Variants in THEMIS observed in about 807,000 individuals in gnomAD.
The protein encoded by THEMIS is protein THEMIS.
In THEMIS, 37 loss-of-function variants were observed where a neutral mutation model predicts 52.6. That is an observed-to-expected ratio of 0.70 (90% CI 0.54 to 0.93). The LOEUF is 0.93. Ranked by LOEUF, THEMIS falls within the 40% of genes least tolerant of loss-of-function variation. The pLI, the probability that THEMIS is intolerant of heterozygous loss-of-function variation, is 0.00. For missense variants in THEMIS, 808 were observed against 763.1 expected (o/e 1.06, Z -0.69); for synonymous variants, 292 against 272.7 (o/e 1.07, Z -0.70).
At chr6:127,784,232 G>T (rs781759980) in intron 4 of THEMIS, among the ~76,000 whole-genome samples, 5 of 152,126 alleles carry the variant, frequency 3.3e-5, no homozygotes, top group Non-Finnish European at 7.4e-5. Flanking sequence ...ACCAGGGCCT[G>T]TTGGTGAGTG....
chr6:127,720,431 C>G (rs1041678633), intron 4 of THEMIS, among the ~76,000 whole-genome samples: 2 of 151,916 alleles, frequency 1.3e-5, no homozygotes, highest in African/African-American at 4.8e-5. Flanking sequence ...TGACATTATA[C>G]TGACACACTG....
chr6:127,711,112 T>C lies in THEMIS; in HGVS notation c.1895-1096A>G, dbSNP rs189886416. Among the ~76,000 whole-genome samples, 11 of 152,048 alleles carry C rather than the reference T, an allele frequency of 7.2e-5. No individual in the cohort carries two copies. The East Asian group carries it at 2.1e-3, about 30-fold the overall frequency. On this transcript the variant is annotated intron_variant, in intron 5 of 5. Transcript: ENST00000368248. ...TCTTCTTTTCTTCTTTGAATTATTT[T>C]TCTGTAACACTAGCTGTATAACCTA...
chr6:127,883,515 T>A (rs1026960035), intron 1 of THEMIS, among the ~76,000 whole-genome samples: 2 of 151,982 alleles, frequency 1.3e-5, no homozygotes, highest in African/African-American at 4.8e-5. Context: ...TGTTGCATTA[T>A]ATAGATTCAC....
intron 4 of THEMIS, among the ~76,000 whole-genome samples, chr6:127,784,448 C>T (rs1379213343): frequency 6.6e-6 from 1 of 152,158 alleles, no homozygotes; most frequent in African/African-American, 2.4e-5. Flanking sequence ...ATCCCTCTTG[C>T]TTCTCAGTCT....
chr6:127,774,611 T>C (rs1776497362), intron 4 of THEMIS, among the ~76,000 whole-genome samples: 1 of 152,190 alleles, frequency 6.6e-6, no homozygotes, highest in Non-Finnish European at 1.5e-5. Context: ...ATATGTACTA[T>C]GGTAGAACTT....
At chr6:127,878,442 T>C (rs1335227272) in intron 1 of THEMIS, among the ~76,000 whole-genome samples, 1 of 140,994 alleles carries the variant, frequency 7.1e-6, no homozygotes, top group Non-Finnish European at 1.6e-5. Context: ...TGTTATTATA[T>C]CTATTTGCAA....
At chr6:127,897,356 T>C (rs1307639231) in intron 1 of THEMIS, among the ~76,000 whole-genome samples, 1 of 151,338 alleles carries the variant, frequency 6.6e-6, no homozygotes, top group Non-Finnish European at 1.5e-5. Context: ...TATGAAACTA[T>C]AGACTAAGAA....
At chr6:127,749,586 T>C (rs1280299484) in intron 4 of THEMIS, among the ~76,000 whole-genome samples, 2 of 151,924 alleles carry the variant, frequency 1.3e-5, no homozygotes, top group African/African-American at 2.4e-5. Context: ...AACTTACAGG[T>C]AAGTCTGAAA....
At chr6:127,735,618 G>C (rs1774978549) in intron 4 of THEMIS, among the ~76,000 whole-genome samples, 1 of 152,180 alleles carries the variant, frequency 6.6e-6, no homozygotes, top group South Asian at 2.1e-4. Context: ...TGAATCAGCT[G>C]ACACTGCGAT....
intron 4 of THEMIS, among the ~76,000 whole-genome samples, chr6:127,743,722 T>C (rs1002328445): frequency 2.0e-4 from 30 of 152,072 alleles, no homozygotes; most frequent in African/African-American, 7.0e-4. Context: ...CAAATTCTTT[T>C]ATAAATCTTA....
intron 4 of THEMIS, among the ~76,000 whole-genome samples, chr6:127,740,242 C>T (rs1775152429): frequency 6.6e-6 from 1 of 151,872 alleles, no homozygotes; most frequent in Non-Finnish European, 1.5e-5. Flanking sequence ...ATTTAAAATC[C>T]CCGTGAAATT....
chr6:127,708,440 C>T lies in THEMIS; in HGVS notation c.*1545G>A, dbSNP rs977264874. 6.6e-6 allele frequency: 1 copy of T among 152,012 alleles called. No individual in the cohort carries two copies. The highest frequency in any genetic ancestry group is 2.4e-5 in the African/African-American group (1 of 41,414). 9.4% of individuals were successfully genotyped at this position (152,012 alleles called of 1,614,324 possible). A position where few individuals can be genotyped will look rare whatever the true frequency, so the allele number is the denominator to read the frequency against. On this transcript the variant is annotated 3_prime_UTR_variant, in exon 6 of 6. Transcript: ENST00000368248. ...TACTAAAAGTACAAATTTAATTGTT[C>T]TCAAATTCCAAACAAAAATATTAAT...
At chr6:127,762,945 T>G (rs756501479) in intron 4 of THEMIS, among the ~76,000 whole-genome samples, 5 of 151,948 alleles carry the variant, frequency 3.3e-5, no homozygotes, top group Non-Finnish European at 5.9e-5. Context: ...AATCAGCTGT[T>G]TATCTGCACT....
chr6:127,858,903 A>G (rs1439366404), intron 1 of THEMIS, among the ~76,000 whole-genome samples: 2 of 152,146 alleles, frequency 1.3e-5, no homozygotes, highest in Non-Finnish European at 2.9e-5. Flanking sequence ...GTAATGAAAG[A>G]GCCATGTGCC....
chr6:127,734,609 G>A (rs1395599924), intron 4 of THEMIS, among the ~76,000 whole-genome samples: 4 of 152,014 alleles, frequency 2.6e-5, no homozygotes, highest in East Asian at 1.9e-4. Flanking sequence ...TGTGGCTCAC[G>A]CCTGTAATCC....
At chr6:127,821,509 T>C (rs1417180733) in intron 3 of THEMIS, among the ~76,000 whole-genome samples, 1 of 152,116 alleles carries the variant, frequency 6.6e-6, no homozygotes, top group Non-Finnish European at 1.5e-5. Context: ...GGGTATGTTT[T>C]CTTGTTATCC....
At chr6:127,801,971 A>G (rs908350021) in intron 4 of THEMIS, among the ~76,000 whole-genome samples, 6 of 152,200 alleles carry the variant, frequency 3.9e-5, no homozygotes, top group African/African-American at 1.4e-4. Context: ...TGGAAGGAAC[A>G]TACAGTTGGA....
intron 4 of THEMIS, among the ~76,000 whole-genome samples, chr6:127,756,725 A>G (rs1159461364): frequency 6.6e-6 from 1 of 152,216 alleles, no homozygotes; most frequent in Non-Finnish European, 1.5e-5. Flanking sequence ...CTTAGCTTTT[A>G]TGAGGCTGCA....
rs559140869 is a variant in THEMIS at position 127,856,735 on chromosome 6, T to C, written c.92-1547A>G. Among the ~76,000 whole-genome samples, 5 of 152,082 alleles carry C rather than the reference T, an allele frequency of 3.3e-5. No individual in the cohort carries two copies. The South Asian group carries it at 1.0e-3, about 32-fold the overall frequency. ...CATACTATTCCCTTAACTACATATG[T>C]GCTCATATTTTCGTTAACTTTAATG... On this transcript the variant is annotated intron_variant, in intron 1 of 5. Transcript: ENST00000368248.
Sources: gnomAD v4.1 joint callset for allele counts (sites outside exome capture counted in the v4.1 genomes callset) on GRCh38, gnomAD v4.1.1 for gene constraint, MANE v1.5 for transcripts, NCBI Gene and HGNC (gene_info 2026-07-23, HGNC 2026-07-21) for gene names.